The following TNFRSF19 variants were observed in gnomAD, a reference collection of about 807,000 sequenced individuals.
The protein encoded by TNFRSF19 is TNF receptor superfamily member 19, also known as tumor necrosis factor receptor superfamily member 19.
A neutral mutation model predicts 46.4 loss-of-function variants in TNFRSF19; 27 were observed. The observed-to-expected ratio is 0.58, with a 90% CI of 0.43 to 0.80. The LOEUF is 0.80. Ranked by LOEUF, TNFRSF19 falls within the 30% of genes least tolerant of loss-of-function variation. The probability of loss-of-function intolerance (pLI) is 0.00; values close to 1 mark genes in which losing one functional copy is unlikely to be tolerated. For synonymous variants in TNFRSF19, 204 were observed against 205.0 expected (o/e 1.00, Z 0.04); for missense variants, 511 against 530.8 (o/e 0.96, Z 0.37).
chr13:23,652,635 AGTGCAT>A (rs376317483), intron 5 of TNFRSF19, among the ~76,000 whole-genome samples: 150 of 152,364 alleles, frequency 9.8e-4, no homozygotes, highest in African/African-American at 3.5e-3. Flanking sequence ...GCAAAAACTA[AGTGCAT>A]GCAAACAAAA....
chr13:23,623,850 G>A lies in TNFRSF19; in HGVS notation c.360-2857G>A, dbSNP rs550279785. Among the ~76,000 whole-genome samples, 6 of 152,078 alleles carry A rather than the reference G, an allele frequency of 3.9e-5. 1 individual carries two copies. Among genetic ancestry groups the A allele is most frequent in the African/African-American group, 1.2e-4 (5 of 41,500 alleles). Reference sequence around the variant, plus strand: ...GATTTTTTAATTGATGAGTTTATAGGAATTCTTTATATATTATAAATATTA... The same window carrying A: ...GATTTTTTAATTGATGAGTTTATAGAAATTCTTTATATATTATAAATATTA... On this transcript the variant is annotated intron_variant, in intron 4 of 9. Coordinates refer to ENST00000248484, the MANE Select transcript of TNFRSF19 (RefSeq NM_148957.4).
At chr13:23,644,741 G>C (rs922013401) in intron 5 of TNFRSF19, among the ~76,000 whole-genome samples, 3 of 152,202 alleles carry the variant, frequency 2.0e-5, no homozygotes, top group African/African-American at 7.2e-5. Flanking sequence ...ACTGCGGTGA[G>C]CTGTCCTAAA....
intron 4 of TNFRSF19, 81 bp downstream of exon 4, chr13:23,616,126 C>G: frequency 7.2e-7 from 1 of 1,379,312 alleles, no homozygotes; most frequent in African/African-American, 1.5e-5. Context: ...CCATTCTAAA[C>G]TGGAATGCAT....
At position 23,615,919 on chromosome 13, in the gene TNFRSF19, A is replaced by G. The variant is rs1045508181; in HGVS notation, c.233A>G (p.His78Arg). The change falls in exon 4 of 10, where the codon CAC (histidine) becomes CGC (arginine). Residue 78 changes from histidine to arginine, a missense_variant. Physicochemically the swap from His to Arg is conservative, Grantham distance 29 (BLOSUM62 0). This residue lies in a region of TNFRSF19 where 121 missense variants were observed against 124.1 expected (regional missense o/e 0.98). Transcript: ENST00000248484. ...EDAQCVTCRL[H>R]RFKEDWGFQK... is the part of the protein sequence containing the mutation. ...GCACAGTGTGTGACGTGCCGGCTGC[A>G]CAGGTTCAAGGAGGACTGGGGCTTC... The G allele has an allele frequency of 1.9e-6, 3 of 1,613,802 alleles. No homozygotes were observed. The highest frequency in any genetic ancestry group is 2.5e-6 in the Non-Finnish European group (3 of 1,179,848).
At chr13:23,594,209 T>C (rs772330784) in intron 3 of TNFRSF19, 1 of 451,042 alleles carries the variant, frequency 2.2e-6, no homozygotes, top group South Asian at 1.6e-5. Context: ...CTGCAGGAGT[T>C]TTTTTTTCAT....
In TNFRSF19 at chr13:23,607,901, G is replaced by A. The variant is rs138590045; in HGVS notation, c.181-7966G>A. ...CAGGTATAGTTAAACTTTCCTCTGC[G>A]GTTTTATTTCTCCTAATTATTATTT... On this transcript the variant is annotated intron_variant, in intron 3 of 9. Transcript: ENST00000248484. 4.4e-4 allele frequency among the ~76,000 whole-genome samples: 67 copies of A among 152,178 alleles called. 1 individual carries two copies. In the East Asian group the frequency reaches 0.012, roughly 26 times the overall value.
intron 4 of TNFRSF19, 49 bp from the exon 5 acceptor site, chr13:23,626,658 T>C (rs1467226477): frequency 3.2e-6 from 5 of 1,580,406 alleles, no homozygotes. Flanking sequence ...ACCACAACTG[T>C]AAGCTTAGAT....
At chr13:23,595,543 G>A (rs1296950335) in intron 3 of TNFRSF19, among the ~76,000 whole-genome samples, 6 of 152,174 alleles carry the variant, frequency 3.9e-5, no homozygotes, top group Admixed American at 1.3e-4. Context: ...AATAAAGCGT[G>A]AAGACAAGAT....
At chr13:23,639,439 G>A (rs991519096) in intron 5 of TNFRSF19, among the ~76,000 whole-genome samples, 1 of 152,180 alleles carries the variant, frequency 6.6e-6, no homozygotes, top group Non-Finnish European at 1.5e-5. Flanking sequence ...CCCCGTAGCA[G>A]GTGTCCTTGG....
chr13:23,631,368 G>C (rs144710385), intron 5 of TNFRSF19, among the ~76,000 whole-genome samples: 1 of 152,134 alleles, frequency 6.6e-6, no homozygotes. Flanking sequence ...TAATTACACT[G>C]TACATACTAT....
At position 23,606,310 on chromosome 13, in the gene TNFRSF19, T is replaced by C. The variant is rs1418094137; in HGVS notation, c.181-9557T>C. On this transcript the variant is annotated intron_variant, in intron 3 of 9. Transcript: ENST00000248484. ...AGCAACCAGAACATTTCTGCCTTTA[T>C]GTACTTATTTCATTTGTTCATCTTC... 3.3e-5 allele frequency among the ~76,000 whole-genome samples: 5 copies of C among 152,176 alleles called. No homozygotes were observed. The East Asian group carries it at 9.6e-4, about 29-fold the overall frequency.
At position 23,621,151 on chromosome 13, in the gene TNFRSF19, C is replaced by T. The variant is rs527893593; in HGVS notation, c.359+5106C>T. Among the ~76,000 whole-genome samples the T allele has an allele frequency of 7.2e-5, 11 of 152,284 alleles. No individual in the cohort carries two copies. In the South Asian group the frequency reaches 2.3e-3, roughly 32 times the overall value. On this transcript the variant is annotated intron_variant, in intron 4 of 9. Transcript: ENST00000248484. ...GTGTGCTGTGTGCCCACTTCACCCT[C>T]ACCCTACCCTCAGCAGACCCCTTGC...
intron 5 of TNFRSF19, among the ~76,000 whole-genome samples, chr13:23,643,230 GTTAT>G (rs572442838): frequency 1.1e-3 from 162 of 152,312 alleles, no homozygotes; most frequent in African/African-American, 3.8e-3. Context: ...GTAAGAAGTT[GTTAT>G]TTAAAGAAGT....
At chr13:23,645,957 G>A (rs1170306004) in intron 5 of TNFRSF19, among the ~76,000 whole-genome samples, 1 of 152,158 alleles carries the variant, frequency 6.6e-6, no homozygotes, top group Non-Finnish European at 1.5e-5. Context: ...AATTCATCCA[G>A]TGGTTTACTC....
At chr13:23,667,026 T>C (rs563089612) in intron 7 of TNFRSF19, among the ~76,000 whole-genome samples, 8 of 152,072 alleles carry the variant, frequency 5.3e-5, no homozygotes, top group African/African-American at 1.7e-4. Context: ...TATATGTAAA[T>C]GTATAATTTC....
chr13:23,580,162 C>T (rs564505380), intron 1 of TNFRSF19, among the ~76,000 whole-genome samples: 2 of 152,218 alleles, frequency 1.3e-5, no homozygotes, highest in African/African-American at 4.8e-5. Flanking sequence ...GGCTAATATA[C>T]TCCTGGAGAT....
At chr13:23,616,137 G>A in intron 4 of TNFRSF19, 92 bp downstream of exon 4, 1 of 1,311,538 alleles carries the variant, frequency 7.6e-7, no homozygotes, top group Admixed American at 2.5e-5. Context: ...TGGAATGCAT[G>A]CTGGTATTAA....
At chr13:23,655,242 T>C (rs1292415288) in intron 5 of TNFRSF19, among the ~76,000 whole-genome samples, 3 of 152,226 alleles carry the variant, frequency 2.0e-5, no homozygotes, top group Non-Finnish European at 4.4e-5. Context: ...CAGGACATAA[T>C]TGTTCAGTTG....
chr13:23,616,644 G>A (rs138031810), intron 4 of TNFRSF19, among the ~76,000 whole-genome samples: 2,931 of 152,262 alleles, frequency 0.019, 67 homozygotes, highest in African/African-American at 0.05. Flanking sequence ...GTGCAATGGC[G>A]CAATCTCAGC....
Sources: allele counts gnomAD v4.1 joint callset (sites outside exome capture counted in the v4.1 genomes callset), GRCh38; gene constraint gnomAD v4.1.1; regional missense constraint gnomAD v4.1.1; transcripts MANE v1.5; gene names NCBI Gene and HGNC (gene_info 2026-07-23, HGNC 2026-07-21).